NLGN1: variants seen among roughly 807,000 people sequenced by gnomAD.
NLGN1 encodes the protein neuroligin-1.
A neutral mutation model predicts 65.5 loss-of-function variants in NLGN1; 12 were observed. The ratio of observed to expected loss-of-function variants is 0.18; its 90% confidence interval spans 0.12 to 0.30. The LOEUF (loss-of-function observed/expected upper bound fraction) is 0.30. Among genes scored for constraint, NLGN1 ranks in the 10% least tolerant of loss-of-function variants. The probability of loss-of-function intolerance (pLI) is 1.00; values close to 1 mark genes in which losing one functional copy is unlikely to be tolerated. For missense variants in NLGN1, 750 were observed against 1,007.1 expected (o/e 0.74, Z 3.46); for synonymous variants, 350 against 359.5 (o/e 0.97, Z 0.30).
chr3:173,723,203 G>A lies in NLGN1; in HGVS notation c.494-84477G>A, dbSNP rs549546131. On this transcript the variant is annotated intron_variant, in intron 3 of 6. Transcript: ENST00000457714. ...AATAAATTTAGAAAGATGTCAAGAG[G>A]GCAAGAGAATATATGGGCCCTGTGG... Among the ~76,000 whole-genome samples, 4 of 152,206 alleles carry A rather than the reference G, an allele frequency of 2.6e-5. No individual in the cohort carries two copies. The South Asian group carries it at 8.3e-4, about 32-fold the overall frequency.
chr3:174,278,087 A>C (rs1221490613), intron 5 of NLGN1, among the ~76,000 whole-genome samples: 1 of 152,000 alleles, frequency 6.6e-6, no homozygotes, highest in African/African-American at 2.4e-5. Flanking sequence ...AAAGCAGTGG[A>C]CCATGTGCTT....
intron 5 of NLGN1, among the ~76,000 whole-genome samples, chr3:174,275,841 C>G (rs1750450777): frequency 6.6e-6 from 1 of 151,770 alleles, no homozygotes; most frequent in Non-Finnish European, 1.5e-5. Flanking sequence ...GTTTTGTCAT[C>G]TTTGTTTATT....
At chr3:174,148,926 G>T (rs769007759) in intron 4 of NLGN1, among the ~76,000 whole-genome samples, 2 of 152,122 alleles carry the variant, frequency 1.3e-5, no homozygotes, top group African/African-American at 2.4e-5. Context: ...ACAAGGTATT[G>T]CAGTGTGTCA....
intron 4 of NLGN1, among the ~76,000 whole-genome samples, chr3:173,960,095 G>T (rs1713165805): frequency 6.6e-6 from 1 of 151,960 alleles, no homozygotes; most frequent in Non-Finnish European, 1.5e-5. Context: ...TCAGTTTTGT[G>T]TATTACTTTT....
At chr3:173,710,547 G>C (rs901203095) in intron 3 of NLGN1, among the ~76,000 whole-genome samples, 1 of 152,126 alleles carries the variant, frequency 6.6e-6, no homozygotes, top group Non-Finnish European at 1.5e-5. Context: ...CCTAGGACTT[G>C]GTTTATGAAT....
chr3:173,396,966 G>A (rs1283001447), upstream of NLGN1, among the ~76,000 whole-genome samples: 1 of 152,174 alleles, frequency 6.6e-6, no homozygotes, highest in African/African-American at 2.4e-5. Context: ...GCGGTTTTAG[G>A]AAATCGTGTC....
chr3:173,879,755 G>A (rs1194904405), intron 4 of NLGN1, among the ~76,000 whole-genome samples: 1 of 151,876 alleles, frequency 6.6e-6, no homozygotes, highest in East Asian at 1.9e-4. Context: ...TCTGGAATCT[G>A]CCCATTTGTA....
chr3:173,402,281 G>A (rs1302809612), intron 1 of NLGN1, among the ~76,000 whole-genome samples: 1 of 152,086 alleles, frequency 6.6e-6, no homozygotes. Context: ...AAATAATTCT[G>A]ACTTACAAAG....
chr3:174,167,531 A>C (rs565395734), intron 4 of NLGN1, among the ~76,000 whole-genome samples: 1 of 149,678 alleles, frequency 6.7e-6, no homozygotes, highest in African/African-American at 2.4e-5. Flanking sequence ...TTGGCTTATA[A>C]GGTTTCTGCT....
intron 2 of NLGN1, among the ~76,000 whole-genome samples, chr3:173,493,251 G>A (rs542067277): frequency 3.3e-5 from 5 of 151,850 alleles, no homozygotes; most frequent in Non-Finnish European, 7.4e-5. Flanking sequence ...CTATCCAGGC[G>A]TGTTTATGAG....
At chr3:174,147,669 A>G (rs1309273440) in intron 4 of NLGN1, among the ~76,000 whole-genome samples, 3 of 151,914 alleles carry the variant, frequency 2.0e-5, no homozygotes, top group East Asian at 1.9e-4. Context: ...TTTGAAAATT[A>G]AAAACCGTGT....
intron 3 of NLGN1, among the ~76,000 whole-genome samples, chr3:173,635,794 T>C (rs573373757): frequency 1.9e-4 from 29 of 152,268 alleles, no homozygotes; most frequent in African/African-American, 6.5e-4. Flanking sequence ...TTAGGAAATA[T>C]GTCTATGGGG....
At chr3:173,929,997 C>G (rs2152283411) in intron 4 of NLGN1, among the ~76,000 whole-genome samples, 1 of 152,286 alleles carries the variant, frequency 6.6e-6, no homozygotes, top group African/African-American at 2.4e-5. Context: ...AGCCACCACG[C>G]CTGGCCAAGC....
In NLGN1 at chr3:173,699,886, T is replaced by TAGAAAA. The variant is rs1766852724; in HGVS notation, c.493+94808_493+94813dup. Among the ~76,000 whole-genome samples, 6 of 152,140 alleles carry TAGAAAA rather than the reference T, an allele frequency of 3.9e-5. No individual in the cohort carries two copies. In the South Asian group the frequency reaches 1.2e-3, roughly 32 times the overall value. On this transcript the variant is annotated intron_variant, in intron 3 of 6. Transcript: ENST00000457714. ...CCACCAGTGGGAGGTAGGAGGAAGATAGAAAAAGAAAAAGAAAAGAGAACT... is the reference window on the plus strand; with the variant it reads ...CCACCAGTGGGAGGTAGGAGGAAGATAGAAAAAGAAAAAGAAAAAGAAAAGAGAACT...
chr3:173,957,778 A>G (rs1380448060), intron 4 of NLGN1, among the ~76,000 whole-genome samples: 3 of 151,940 alleles, frequency 2.0e-5, no homozygotes, highest in Non-Finnish European at 2.9e-5. Flanking sequence ...CCAGCCAGAA[A>G]CCTCCGTAGC....
At chr3:173,525,160 A>T (rs951561620) in intron 2 of NLGN1, among the ~76,000 whole-genome samples, 14 of 152,174 alleles carry the variant, frequency 9.2e-5, no homozygotes, top group African/African-American at 2.9e-4. Context: ...TAGTTTCAGT[A>T]AAATTGGTAC....
intron 4 of NLGN1, among the ~76,000 whole-genome samples, chr3:173,958,400 TC>T (rs974542412): frequency 6.6e-6 from 1 of 152,044 alleles, no homozygotes; most frequent in Non-Finnish European, 1.5e-5. Flanking sequence ...TGATGAGTGT[TC>T]AGCTTTCAAC....
At chr3:173,486,170 GA>G (rs1225235749) in intron 2 of NLGN1, among the ~76,000 whole-genome samples, 3 of 152,042 alleles carry the variant, frequency 2.0e-5, no homozygotes, top group African/African-American at 4.8e-5. Context: ...TCAGCCTCCT[GA>G]GTAGCTGGGA....
At chr3:173,612,172 T>G (rs2149474342) in intron 3 of NLGN1, among the ~76,000 whole-genome samples, 1 of 152,190 alleles carries the variant, frequency 6.6e-6, no homozygotes, top group African/African-American at 2.4e-5. Flanking sequence ...AGTATAGACG[T>G]TTGCTAGTAA....
Sources: allele counts gnomAD v4.1 joint callset (sites outside exome capture counted in the v4.1 genomes callset), GRCh38; gene constraint gnomAD v4.1.1; transcripts MANE v1.5; gene names NCBI Gene and HGNC (gene_info 2026-07-23, HGNC 2026-07-21).